Variants in DDX50 observed in about 807,000 individuals in gnomAD.
DDX50 encodes DExD-box helicase 50, also known as ATP-dependent RNA helicase DDX50.
A neutral mutation model predicts 94.8 loss-of-function variants in DDX50; 56 were observed. The observed-to-expected ratio is 0.59, with a 90% CI of 0.48 to 0.74. The LOEUF (loss-of-function observed/expected upper bound fraction) is 0.74, where lower values mean the gene tolerates loss of function less well. Ranked by LOEUF, DDX50 falls within the 30% of genes least tolerant of loss-of-function variation. DDX50 has a pLI of 0.00. For synonymous variants in DDX50, 264 were observed against 295.4 expected (o/e 0.89, Z 1.09); for missense variants, 713 against 881.2 (o/e 0.81, Z 2.42).
chr10:68,937,226 A>C, intron 12 of DDX50, 131 bp downstream of exon 12: 2 of 958,642 alleles, frequency 2.1e-6, no homozygotes, highest in Non-Finnish European at 2.9e-6. Flanking sequence ...TGGTCTCCTT[A>C]TTTTCCTCTA....
chr10:68,917,644 C>T (rs769560782), intron 7 of DDX50, among the ~76,000 whole-genome samples: 2 of 152,050 alleles, frequency 1.3e-5, no homozygotes, highest in Non-Finnish European at 2.9e-5. Context: ...TCTGTCGCCC[C>T]GGCTGCAGTG....
At chr10:68,910,971 G>A in intron 3 of DDX50, 97 bp from the exon 4 acceptor site, 1 of 964,680 alleles carries the variant, frequency 1.0e-6, no homozygotes, top group Non-Finnish European at 1.5e-6. Context: ...ATGTCTTTAG[G>A]CAGACATAGA....
intron 13 of DDX50, among the ~76,000 whole-genome samples, chr10:68,942,734 C>T (rs192194935): frequency 1.3e-5 from 2 of 152,232 alleles, no homozygotes; most frequent in African/African-American, 4.8e-5. Context: ...CCACCTCAGC[C>T]TCCTGAGTAG....
At chr10:68,911,525 C>CCTTTTCTTCT (rs1168281870) in intron 4 of DDX50, 1 of 240,172 alleles carries the variant, frequency 4.2e-6, no homozygotes, top group African/African-American at 2.2e-5. Flanking sequence ...TTTAGTTGAC[C>CCTTTTCTTCT]CTTTTCTTCT....
In DDX50 at chr10:68,946,358, T is replaced by A; in HGVS notation, c.1942T>A (p.Trp648Arg). The stretch of plus-strand genomic sequence containing the variant: ...CTGTAAATTCCCCTAACAGGCAGAG[T>A]GGCATGATTCCGACTGGATACTCTC... ...TTESERLQAE[W>R]HDSDWILSVP... The change falls in exon 15 of 15, where the codon TGG (tryptophan) becomes AGG (arginine). Residue 648 changes from tryptophan to arginine, a missense_variant. By Grantham distance (101) the Trp-to-Arg change is moderately radical. Transcript: ENST00000373585. 1 of 1,607,556 alleles carries A rather than the reference T, an allele frequency of 6.2e-7. No homozygotes were observed. The highest frequency in any genetic ancestry group is 8.5e-7 in the Non-Finnish European group (1 of 1,175,244).
Position 68,913,593 on chromosome 10 carries a change from A to C in DDX50, c.943+17A>C, listed in dbSNP as rs746564774. 8.8e-6 allele frequency: 14 copies of C among 1,590,732 alleles called. No homozygotes were observed. In the African/African-American group the frequency reaches 1.8e-4, roughly 20 times the overall value. On this transcript the variant is annotated intron_variant, in intron 6 of 14. Transcript: ENST00000373585. ...ACAAAACTGGTATATCCTAATTCAA[A>C]ATAAGCACATTAGCAATTATTGTTC...
chr10:68,903,798 T>TA (rs1841361011), intron 1 of DDX50, among the ~76,000 whole-genome samples: 1 of 140,464 alleles, frequency 7.1e-6, no homozygotes, highest in African/African-American at 2.7e-5. Context: ...GAGACTCCAT[T>TA]TAAAAAAAAA....
At chr10:68,916,966 G>A (rs1418518912) in intron 7 of DDX50, among the ~76,000 whole-genome samples, 5 of 152,216 alleles carry the variant, frequency 3.3e-5, no homozygotes, top group Middle Eastern at 3.4e-3. Context: ...GGTTACAGGC[G>A]TGAGCCACTG....
chr10:68,912,759 A>G (rs1210764766), intron 4 of DDX50, among the ~76,000 whole-genome samples: 2 of 152,204 alleles, frequency 1.3e-5, no homozygotes. Context: ...AGTTTCCTGT[A>G]CTGTACCAGG....
At chr10:68,917,853 T>C (rs953639959) in intron 7 of DDX50, among the ~76,000 whole-genome samples, 3 of 152,140 alleles carry the variant, frequency 2.0e-5, no homozygotes, top group African/African-American at 7.2e-5. Context: ...TCCACCTGCC[T>C]CCGGCTCCCA....
In DDX50 at chr10:68,937,092, TAA is replaced by T; in HGVS notation, c.1753_1754del (p.Lys585GlyfsTer24). The T allele has an allele frequency of 6.2e-7, 1 of 1,603,110 alleles. No homozygotes were observed. The highest frequency in any genetic ancestry group is 8.5e-7 in the Non-Finnish European group (1 of 1,173,222). On this transcript the variant is annotated frameshift_variant and splice_region_variant, in exon 12 of 15. Transcript: ENST00000373585. LOFTEE classifies it high-confidence loss of function. Reference protein sequence around the residue: ...FEPRSLITSDKGFVTMTLESL... With the variant: ...FEPRSLITSDXGFVTMTLESL... The stretch of plus-strand genomic sequence containing the variant: ...AACCACGATCTTTGATCACCTCTGA[TAA>T]GGTAGAAATCTGTGAGAAAATTGTA...
chr10:68,924,138 A>T (rs1024676638), intron 8 of DDX50, among the ~76,000 whole-genome samples: 1 of 150,480 alleles, frequency 6.6e-6, no homozygotes, highest in Non-Finnish European at 1.5e-5. Context: ...CGCCCAGCTA[A>T]TTTTTGTATT....
At chr10:68,904,770 A>G (rs747605314) in intron 1 of DDX50, among the ~76,000 whole-genome samples, 3 of 152,220 alleles carry the variant, frequency 2.0e-5, no homozygotes, top group Non-Finnish European at 4.4e-5. Context: ...TCGATAAATA[A>G]TCTTATTTTT....
rs1045966480 is a variant in DDX50, at chr10:68,913,045, C to A, written c.640-117C>A. 416 of 758,316 alleles carry A rather than the reference C, an allele frequency of 5.5e-4. 4 individuals carry two copies. The highest frequency in any genetic ancestry group is 5.4e-5 in the Non-Finnish European group (25 of 461,826). 47.0% of individuals were successfully genotyped at this position (758,316 alleles called of 1,614,324 possible). On this transcript the variant is annotated intron_variant, in intron 4 of 14. Transcript: ENST00000373585. ...GCTATTTGTGATGTGTCTTTAAATA[C>A]TTCGACATTAATGTTGAGATTCCTG... is the stretch of plus-strand genomic sequence containing the variant.
intron 10 of DDX50, among the ~76,000 whole-genome samples, chr10:68,935,483 G>A (rs1196612147): frequency 6.6e-6 from 1 of 151,240 alleles, no homozygotes; most frequent in East Asian, 1.9e-4. Flanking sequence ...GTAACTAAGG[G>A]GCAATTCAAA....
chr10:68,937,582 A>C (rs1038275891), intron 12 of DDX50, among the ~76,000 whole-genome samples: 1 of 133,522 alleles, frequency 7.5e-6, no homozygotes, highest in Non-Finnish European at 1.6e-5. Flanking sequence ...ATAACTTTAT[A>C]AGTTTTTTTT....
chr10:68,904,442 T>A (rs1841383266), intron 1 of DDX50, among the ~76,000 whole-genome samples: 1 of 152,144 alleles, frequency 6.6e-6, no homozygotes, highest in Admixed American at 6.6e-5. Flanking sequence ...AGTCTGGAAG[T>A]ACGTATTGAG....
At chr10:68,919,713 T>C in intron 7 of DDX50, 119 bp from the exon 8 acceptor site, 1 of 1,225,884 alleles carries the variant, frequency 8.2e-7, no homozygotes, top group Non-Finnish European at 1.1e-6. Flanking sequence ...TTGAGGAGAG[T>C]CTTTGTCTTA....
chr10:68,932,972 T>G (rs1003630469), intron 8 of DDX50, among the ~76,000 whole-genome samples: 12 of 152,088 alleles, frequency 7.9e-5, no homozygotes, highest in African/African-American at 2.9e-4. Flanking sequence ...AAATTCAACT[T>G]CTAGATATGT....
Sources: allele counts gnomAD v4.1 joint callset (sites outside exome capture counted in the v4.1 genomes callset), GRCh38; gene constraint gnomAD v4.1.1; transcripts MANE v1.5; gene names NCBI Gene and HGNC (gene_info 2026-07-23, HGNC 2026-07-21).